SHANK2: variants seen among roughly 807,000 people sequenced by gnomAD.
SHANK2 encodes SH3 and multiple ankyrin repeat domains 2.
SHANK2 carries 43 observed loss-of-function variants against 133.7 expected under a neutral mutation model. The ratio of observed to expected loss-of-function variants is 0.32; its 90% confidence interval spans 0.25 to 0.41. The LOEUF (loss-of-function observed/expected upper bound fraction) is 0.41, where lower values mean the gene tolerates loss of function less well. Ranked by LOEUF, SHANK2 falls within the 10% of genes least tolerant of loss-of-function variation. The probability of loss-of-function intolerance (pLI) is 1.00; values close to 1 mark genes in which losing one functional copy is unlikely to be tolerated. For missense variants in SHANK2, 1,994 were observed against 2,235.8 expected (o/e 0.89, Z 2.18); for synonymous variants, 1,017 against 952.8 (o/e 1.07, Z -1.24).
intron 12 of SHANK2, among the ~76,000 whole-genome samples, chr11:70,811,322 G>T (rs1017512714): frequency 2.0e-5 from 3 of 152,090 alleles, no homozygotes; most frequent in East Asian, 3.9e-4. Context: ...TGAGGAGTGC[G>T]TCTTCTCAGG....
chr11:71,188,431 C>T lies in SHANK2; in HGVS notation c.-13+36266G>A, dbSNP rs1258240353. 6.6e-5 allele frequency among the ~76,000 whole-genome samples: 10 copies of T among 152,170 alleles called. No homozygotes were observed. Among genetic ancestry groups the T allele is most frequent in the Non-Finnish European group, 1.5e-4 (10 of 68,024 alleles). The stretch of plus-strand genomic sequence containing the variant: ...CAACCAGGACCTGCTGAGGTCTCTC[C>T]AGAAACAGAATCCCCTCCCTCTGGG... On this transcript the variant is annotated intron_variant, in intron 2 of 25. Coordinates refer to ENST00000601538, the MANE Select transcript of SHANK2 (RefSeq NM_012309.5). The surrounding 1 kb of genome is among the most constrained non-coding windows in gnomAD (Gnocchi z 4.6).
chr11:70,606,532 AAAAAG>A (rs1554992475), intron 17 of SHANK2, among the ~76,000 whole-genome samples: 3 of 148,116 alleles, frequency 2.0e-5, no homozygotes, highest in Non-Finnish European at 3.0e-5. Flanking sequence ...AAAAAAAAAA[AAAAAG>A]GCCCTAGCTT....
intron 1 of SHANK2, among the ~76,000 whole-genome samples, chr11:71,237,519 G>A (rs1447485216): frequency 4.6e-5 from 7 of 152,126 alleles, no homozygotes; most frequent in African/African-American, 1.7e-4. Context: ...TAACTAACAC[G>A]ACCCTCAACT....
At chr11:70,828,253 G>A (rs546248698) in intron 11 of SHANK2, among the ~76,000 whole-genome samples, 1 of 152,288 alleles carries the variant, frequency 6.6e-6, no homozygotes, top group East Asian at 1.9e-4. Context: ...CTGCACATCA[G>A]CCTGGGGATA....
In SHANK2 at chr11:70,569,532, C is replaced by G. The variant is rs977386639; in HGVS notation, c.2062-66601G>C. On this transcript the variant is annotated intron_variant, in intron 17 of 25. Coordinates refer to ENST00000601538, the MANE Select transcript of SHANK2 (RefSeq NM_012309.5). This position sits in a 1 kb window ranked among gnomAD's most constrained non-coding sequence, Gnocchi z 5.1. The stretch of plus-strand genomic sequence containing the variant: ...ATGGGTGGCGCTGCCGGCCGCTTCC[C>G]CATCTTACCTCTGCTGGTGCCGCAG... Among the ~76,000 whole-genome samples, 9 of 152,168 alleles carry G rather than the reference C, an allele frequency of 5.9e-5. No individual in the cohort carries two copies. Among genetic ancestry groups the G allele is most frequent in the Non-Finnish European group, 1.3e-4 (9 of 68,024 alleles).
At chr11:70,925,165 C>T (rs1382849260) in intron 10 of SHANK2, among the ~76,000 whole-genome samples, 3 of 152,154 alleles carry the variant, frequency 2.0e-5, no homozygotes, top group Non-Finnish European at 4.4e-5. Context: ...CAGCCTTAAG[C>T]TGTTTCTGAA....
intron 15 of SHANK2, among the ~76,000 whole-genome samples, chr11:70,684,606 G>T (rs1291582273): frequency 6.6e-6 from 1 of 152,178 alleles, no homozygotes; most frequent in Admixed American, 6.5e-5. Context: ...GGTTTCCTAG[G>T]AGAATCCGGT....
At chr11:70,546,096 A>T (rs1335697914) in intron 17 of SHANK2, among the ~76,000 whole-genome samples, 2 of 92,514 alleles carry the variant, frequency 2.2e-5, no homozygotes, top group Non-Finnish European at 4.3e-5. Flanking sequence ...TTATTTATTT[A>T]ATTTTTTTTT....
chr11:71,100,040 C>A (rs1179774227), intron 6 of SHANK2, among the ~76,000 whole-genome samples: 1 of 133,978 alleles, frequency 7.5e-6, no homozygotes, highest in Admixed American at 7.2e-5. Context: ...CAGAGTAAGA[C>A]CATGTCAAAA....
intron 3 of SHANK2, among the ~76,000 whole-genome samples, chr11:71,141,772 C>T (rs1312491409): frequency 3.9e-5 from 6 of 152,264 alleles, no homozygotes; most frequent in Admixed American, 3.9e-4. Flanking sequence ...CAAAGGCAAA[C>T]AGATGGCCAA....
Position 71,095,599 on chromosome 11 carries a change from G to A in SHANK2, c.593-911C>T, listed in dbSNP as rs80268546. 4.8e-3 allele frequency among the ~76,000 whole-genome samples: 729 copies of A among 152,264 alleles called. 3 individuals carry two copies. The highest frequency in any genetic ancestry group is 0.017 in the African/African-American group (705 of 41,546). On this transcript the variant is annotated intron_variant, in intron 6 of 25. Coordinates refer to ENST00000601538, the MANE Select transcript of SHANK2 (RefSeq NM_012309.5). ...AGCACATTCCAGTGAAAGAAAACTC[G>A]GATGCCTTTCACAAGGCGTGTGTCT...
intron 17 of SHANK2, among the ~76,000 whole-genome samples, chr11:70,555,243 A>C (rs1457645442): frequency 1.3e-5 from 2 of 152,182 alleles, no homozygotes; most frequent in Non-Finnish European, 2.9e-5. Flanking sequence ...ACACTATTGA[A>C]ATGGGGCCAG....
At chr11:70,719,751 TC>T (rs1555028529) in intron 14 of SHANK2, among the ~76,000 whole-genome samples, 1 of 150,396 alleles carries the variant, frequency 6.6e-6, no homozygotes, top group African/African-American at 2.5e-5. Context: ...AGCCCCGCGC[TC>T]CCCTGCTCCA....
chr11:70,890,497 C>CAAAACA (rs1949823300), intron 11 of SHANK2, among the ~76,000 whole-genome samples: 1 of 148,084 alleles, frequency 6.8e-6, no homozygotes. Flanking sequence ...ACAAAAAAAA[C>CAAAACA]AAAAAAAACA....
chr11:70,921,052 A>G (rs1225737366), intron 10 of SHANK2, among the ~76,000 whole-genome samples: 8 of 152,204 alleles, frequency 5.3e-5, no homozygotes, highest in African/African-American at 1.9e-4. Context: ...GTCTCGCCAT[A>G]CCAGAAAATC....
In SHANK2 at chr11:70,500,733, T is replaced by C. The variant is rs1555158269; in HGVS notation, c.2288-143A>G. On this transcript the variant is annotated intron_variant, in intron 20 of 25. Coordinates refer to ENST00000601538, the MANE Select transcript of SHANK2 (RefSeq NM_012309.5). This position sits in a 1 kb window ranked among gnomAD's most constrained non-coding sequence, Gnocchi z 4.5. ...GGCAGGCAGGGGCTGTCTGGAACGCTGCGAACGCAGGCTGCGCTATCCATG... is the reference window on the plus strand; with the variant it reads ...GGCAGGCAGGGGCTGTCTGGAACGCCGCGAACGCAGGCTGCGCTATCCATG... The C allele has an allele frequency of 1.0e-5, 11 of 1,098,714 alleles. No homozygotes were observed. The highest frequency in any genetic ancestry group is 4.0e-5 in the Admixed American group (2 of 50,426). 68.1% of individuals were successfully genotyped at this position (1,098,714 alleles called of 1,614,324 possible).
intron 11 of SHANK2, among the ~76,000 whole-genome samples, chr11:70,852,800 G>T (rs1555065938): frequency 1.3e-5 from 2 of 152,224 alleles, no homozygotes; most frequent in Non-Finnish European, 2.9e-5. Flanking sequence ...CCGAGATCAT[G>T]CCACTGCACT....
At chr11:70,911,015 A>G (rs1454590437) in intron 10 of SHANK2, 1 of 457,020 alleles carries the variant, frequency 2.2e-6, no homozygotes, top group East Asian at 6.9e-5. Context: ...ATTTGCAGAA[A>G]CGAAGGGGGT....
At chr11:71,096,871 GAGAGCTGGTGGCAAGTGGTAAAATC>G in intron 6 of SHANK2, among the ~76,000 whole-genome samples, 1 of 152,176 alleles carries the variant, frequency 6.6e-6, no homozygotes, top group Non-Finnish European at 1.5e-5. Context: ...CTGTCTCAGA[GAGAGCTGGTGGCAAGTGGTAAAATC>G]AGATCAGAGG....
Sources: gnomAD v4.1 joint callset for allele counts (sites outside exome capture counted in the v4.1 genomes callset) on GRCh38, gnomAD v4.1.1 for gene constraint, Gnocchi (gnomAD v3.1) non-coding constraint, MANE v1.5 for transcripts, NCBI Gene and HGNC (gene_info 2026-07-23, HGNC 2026-07-21) for gene names.